ADAT1: variants seen among roughly 807,000 people sequenced by gnomAD.
The protein encoded by ADAT1 is adenosine deaminase tRNA specific 1.
Under a neutral mutation model 58.6 loss-of-function variants are expected in ADAT1, and 58 were observed. The ratio of observed to expected loss-of-function variants is 0.99; its 90% CI spans 0.80 to 1.23. ADAT1 has a LOEUF of 1.23. Among genes scored for constraint, ADAT1 ranks in the 50% most tolerant of loss-of-function variants. The pLI is 0.00. For synonymous variants in ADAT1, 254 were observed against 220.8 expected (o/e 1.15, Z -1.33); for missense variants, 741 against 608.6 (o/e 1.22, Z -2.29).
rs750376506 is a variant in ADAT1, at chr16:75,612,240, C to G, written c.1043+3G>C. On this transcript the variant is annotated splice_donor_region_variant and intron_variant, in intron 6 of 9. Transcript: ENST00000564657. The stretch of plus-strand genomic sequence containing the variant: ...TCCAATTGAGCCCTCCCTACCCTCT[C>G]ACCTTCCAATCAGTGCTCTCTGCAT... 1 of 1,612,666 alleles carries G rather than the reference C, an allele frequency of 6.2e-7. No homozygotes were observed. Among genetic ancestry groups the G allele is most frequent in the Admixed American group, 1.7e-5 (1 of 60,014 alleles).
At chr16:75,608,535 G>C (rs922406345) in intron 7 of ADAT1, 17 of 579,814 alleles carry the variant, frequency 2.9e-5, no homozygotes, top group East Asian at 8.5e-5. Flanking sequence ...CAATCACTGA[G>C]CATTTATTAT....
At chr16:75,603,372 T>C (rs2081277511) in intron 8 of ADAT1, among the ~76,000 whole-genome samples, 1 of 152,156 alleles carries the variant, frequency 6.6e-6, no homozygotes, top group African/African-American at 2.4e-5. Flanking sequence ...CCTTAAGAAA[T>C]GCCATCAGCC....
chr16:75,612,964 G>T (rs574972627), intron 5 of ADAT1, 103 bp from the exon 6 acceptor site: 1 of 1,407,038 alleles, frequency 7.1e-7, no homozygotes, highest in African/African-American at 1.4e-5. Context: ...AAACTCTTGG[G>T]ACCCACAGTA....
chr16:75,609,580 T>C (rs1451155641), intron 6 of ADAT1, among the ~76,000 whole-genome samples: 1 of 152,184 alleles, frequency 6.6e-6, no homozygotes. Context: ...AAGTGGATAA[T>C]TCAATTGTTT....
At position 75,622,765 on chromosome 16, in the gene ADAT1, C is replaced by T. The variant is rs750659737; in HGVS notation, c.-384G>A. The T allele has an allele frequency of 9.8e-5, 15 of 152,348 alleles. No homozygotes were observed. Among genetic ancestry groups the T allele is most frequent in the Non-Finnish European group, 1.8e-4 (12 of 68,034 alleles). 9.4% of individuals were successfully genotyped at this position (152,348 alleles called of 1,614,324 possible). On this transcript the variant is annotated 5_prime_UTR_variant, in exon 1 of 10. Coordinates refer to ENST00000564657, the MANE Select transcript of ADAT1 (RefSeq NM_001324445.2). ...TTGCCCACAAGACCGCATCTCTGAA[C>T]AGTTTCAACAAGCTAAAAAAACTGA...
intron 8 of ADAT1, among the ~76,000 whole-genome samples, chr16:75,604,302 G>T (rs553657134): frequency 1.3e-5 from 2 of 150,156 alleles, no homozygotes; most frequent in Admixed American, 6.7e-5. Flanking sequence ...GAGTGGTGGC[G>T]CATGCCTGTA....
chr16:75,617,374 G>A, intron 4 of ADAT1, 102 bp from the exon 5 acceptor site: 1 of 1,285,294 alleles, frequency 7.8e-7, no homozygotes, highest in Non-Finnish European at 1.1e-6. Flanking sequence ...TAGACTAATG[G>A]GACTGGTAGT....
Position 75,618,597 on chromosome 16 carries a change from C to T in ADAT1, c.282G>A (p.Arg94=), listed in dbSNP as rs1280086610. The T allele has an allele frequency of 1.9e-6, 3 of 1,608,350 alleles. No homozygotes were observed. Among genetic ancestry groups the T allele is most frequent in the African/African-American group, 2.7e-5 (2 of 74,620 alleles). The change falls in exon 4 of 10, where the codon AGG becomes AGA. Residue 94 remains arginine, a synonymous_variant. Coordinates refer to ENST00000564657, the MANE Select transcript of ADAT1 (RefSeq NM_001324445.2). ...NDSHAEVIAR[R]SFQRYLLHQL... ...AGATGTGGCTTTACCTTTGGAAACT[C>T]CTTCTGGCTATGACCTCAGCATGGC...
rs2081272385 is a variant in ADAT1 at position 75,603,098 on chromosome 16, G to T, written c.1363C>A (p.Pro455Thr). The T allele has an allele frequency of 6.2e-7, 1 of 1,613,776 alleles. No individual in the cohort carries two copies. Among genetic ancestry groups the T allele is most frequent in the African/African-American group, 1.3e-5 (1 of 74,920 alleles). ...CAACAGCATCACCTGAGGGAGTGTG[G>T]CCACTTGTCCCTTGCAATTCTGCTT... ...LLSRIARDKW[P>T]HSLRVQKLDT... Residue 455 changes from proline to threonine, a missense_variant, in exon 9 of 10, where the codon CCA (proline) becomes ACA (threonine). Pro to Thr is a conservative substitution (Grantham distance 38, BLOSUM62 -1). Coordinates refer to ENST00000564657, the MANE Select transcript of ADAT1 (RefSeq NM_001324445.2).
At chr16:75,619,138 G>C (rs1048860625) in intron 3 of ADAT1, among the ~76,000 whole-genome samples, 3 of 152,182 alleles carry the variant, frequency 2.0e-5, no homozygotes, top group Non-Finnish European at 4.4e-5. Context: ...CAGTGATCCT[G>C]GAACAGGTTC....
intron 9 of ADAT1, among the ~76,000 whole-genome samples, chr16:75,602,652 C>T (rs1449987749): frequency 6.6e-6 from 1 of 152,160 alleles, no homozygotes; most frequent in African/African-American, 2.4e-5. Flanking sequence ...GTCACTGCAC[C>T]CATCTACCTG....
intron 6 of ADAT1, among the ~76,000 whole-genome samples, chr16:75,611,985 G>C (rs2081550932): frequency 6.6e-6 from 1 of 152,094 alleles, no homozygotes; most frequent in South Asian, 2.1e-4. Flanking sequence ...TTGAACCCAG[G>C]AGGCGGTGGC....
rs530990732 is a variant in ADAT1, at chr16:75,611,946, T to G, written c.1043+297A>C. 5.3e-5 allele frequency among the ~76,000 whole-genome samples: 8 copies of G among 151,998 alleles called. 1 individual carries two copies. The South Asian group carries it at 1.7e-3, about 32-fold the overall frequency. ...GGTGGCGCATGCCTGTAGTCCCAGC[T>G]ACTCATGAAGCTGAGGCAGGAGAAT... On this transcript the variant is annotated intron_variant, in intron 6 of 9. Coordinates refer to ENST00000564657, the MANE Select transcript of ADAT1 (RefSeq NM_001324445.2).
chr16:75,610,495 T>G (rs926929710), intron 6 of ADAT1, among the ~76,000 whole-genome samples: 1 of 152,114 alleles, frequency 6.6e-6, no homozygotes, highest in Non-Finnish European at 1.5e-5. Context: ...CAGGGTTTCC[T>G]CATGTTGACC....
chr16:75,603,268 A>C, intron 8 of ADAT1, 97 bp from the exon 9 acceptor site: 1 of 1,040,656 alleles, frequency 9.6e-7, no homozygotes, highest in East Asian at 2.4e-5. Flanking sequence ...TTTAGGTTTG[A>C]AGGTGCCAGA....
rs1375759233 is a variant in ADAT1 at position 75,602,346 on chromosome 16, C to A, written c.1376+739G>T. On this transcript the variant is annotated intron_variant, in intron 9 of 9. Coordinates refer to ENST00000564657, the MANE Select transcript of ADAT1 (RefSeq NM_001324445.2). ...GGACATGGAAGCTCTGCCTTTGCGA[C>A]CCTCCCATATCTTACCCTATATCTC... 9.2e-5 allele frequency among the ~76,000 whole-genome samples: 14 copies of A among 152,252 alleles called. 1 individual carries two copies. Among genetic ancestry groups the A allele is most frequent in the Admixed American group, 9.2e-4 (14 of 15,290 alleles).
chr16:75,606,239 G>T (rs1292626150), intron 8 of ADAT1, among the ~76,000 whole-genome samples: 3 of 152,076 alleles, frequency 2.0e-5, no homozygotes, highest in Admixed American at 2.0e-4. Context: ...AAGCTTAATT[G>T]CAACAGTAAT....
At chr16:75,620,378 G>C (rs1324826655) in intron 2 of ADAT1, 44 bp from the exon 3 acceptor site, 1 of 1,598,738 alleles carries the variant, frequency 6.3e-7, no homozygotes, top group South Asian at 1.1e-5. Flanking sequence ...GAAACGGAAT[G>C]TTCCCCGGTG....
At position 75,618,514 on chromosome 16, in the gene ADAT1, A is replaced by G. The variant is rs973061865; in HGVS notation, c.293+72T>C. The G allele has an allele frequency of 2.5e-6, 3 of 1,178,924 alleles. No homozygotes were observed. In the African/African-American group the frequency reaches 4.7e-5, roughly 19 times the overall value. The allele number at this position is 1,178,924 out of a possible 1,614,324, so 73.0% of individuals were successfully genotyped here. On this transcript the variant is annotated intron_variant, in intron 4 of 9. Transcript: ENST00000564657. ...GAGCAAGACTCTGTCCCCCCCAAAA[A>G]AAAAAAAAAAAGTAAATTCCGGGAC...
Sources: allele counts gnomAD v4.1 joint callset (sites outside exome capture counted in the v4.1 genomes callset), GRCh38; gene constraint gnomAD v4.1.1; transcripts MANE v1.5; gene names NCBI Gene and HGNC (gene_info 2026-07-23, HGNC 2026-07-21).